The following FAF1 variants were observed in gnomAD, a reference collection of about 807,000 sequenced individuals.
FAF1 encodes the protein FAS-associated factor 1.
A neutral mutation model predicts 92.5 loss-of-function variants in FAF1; 25 were observed. The observed-to-expected ratio is 0.27, with a 90% CI of 0.20 to 0.38. The LOEUF is 0.38. Among genes scored for constraint, FAF1 ranks in the 10% least tolerant of loss-of-function variants. FAF1 has a pLI of 1.00. For missense variants in FAF1, 636 were observed against 793.3 expected (o/e 0.80, Z 2.38); for synonymous variants, 234 against 273.2 (o/e 0.86, Z 1.42).
At chr1:50,890,564 C>G (rs1350998851) in intron 1 of FAF1, among the ~76,000 whole-genome samples, 1 of 152,112 alleles carries the variant, frequency 6.6e-6, no homozygotes, top group East Asian at 1.9e-4. Context: ...TTGGTGGTGA[C>G]AAAATCTCTC....
At chr1:50,713,170 A>G (rs1206790275) in intron 6 of FAF1, among the ~76,000 whole-genome samples, 1 of 151,370 alleles carries the variant, frequency 6.6e-6, no homozygotes, top group Admixed American at 6.6e-5. Flanking sequence ...AAAAAAAAAA[A>G]AAAAAAAAGT....
chr1:50,620,059 C>A (rs1489543290), intron 8 of FAF1, among the ~76,000 whole-genome samples: 1 of 152,064 alleles, frequency 6.6e-6, no homozygotes, highest in Admixed American at 6.6e-5. Flanking sequence ...CAGGTGCCCA[C>A]CACTACGCCT....
chr1:50,887,929 C>T (rs534318690), intron 1 of FAF1, among the ~76,000 whole-genome samples: 6 of 152,238 alleles, frequency 3.9e-5, no homozygotes, highest in African/African-American at 1.2e-4. Flanking sequence ...TCATTGGTAG[C>T]TTGATGGGGA....
At chr1:50,631,362 A>C (rs1653781357) in intron 8 of FAF1, among the ~76,000 whole-genome samples, 2 of 152,182 alleles carry the variant, frequency 1.3e-5, no homozygotes, top group Non-Finnish European at 2.9e-5. Context: ...CAGGACATAA[A>C]TCATCCCTTT....
chr1:50,842,744 C>A (rs1360530378), intron 2 of FAF1, among the ~76,000 whole-genome samples: 1 of 152,212 alleles, frequency 6.6e-6, no homozygotes, highest in East Asian at 1.9e-4. Flanking sequence ...AATAACCCTA[C>A]CTGACTCTAC....
intron 1 of FAF1, among the ~76,000 whole-genome samples, chr1:50,943,587 T>C (rs1645150939): frequency 6.6e-6 from 1 of 152,196 alleles, no homozygotes; most frequent in South Asian, 2.1e-4. Context: ...AAGTCAGGAA[T>C]GAATTTTGCA....
intron 1 of FAF1, among the ~76,000 whole-genome samples, chr1:50,885,275 C>T (rs1464582769): frequency 1.3e-5 from 2 of 148,456 alleles, no homozygotes. Context: ...ATTAAGGTTT[C>T]CCATTCTCTC....
At chr1:50,883,895 C>G (rs570018277) in intron 1 of FAF1, among the ~76,000 whole-genome samples, 1 of 152,074 alleles carries the variant, frequency 6.6e-6, no homozygotes, top group Admixed American at 6.5e-5. Flanking sequence ...GAGGGTGAGG[C>G]AGGCGGATCA....
At chr1:50,836,170 GTTTTTT>G (rs36053491) in intron 2 of FAF1, among the ~76,000 whole-genome samples, 2 of 98,526 alleles carry the variant, frequency 2.0e-5, no homozygotes, top group Non-Finnish European at 4.0e-5. Flanking sequence ...TTTTGTTTCT[GTTTTTT>G]TTTTTTTTTT....
At chr1:50,876,363 G>C (rs72904730) in intron 1 of FAF1, among the ~76,000 whole-genome samples, 10,079 of 152,212 alleles carry the variant, frequency 0.066, 410 homozygotes, top group East Asian at 0.094. Context: ...AAAGGAACCA[G>C]TGTTCCTTGT....
intron 7 of FAF1, among the ~76,000 whole-genome samples, chr1:50,696,362 G>A (rs568909539): frequency 1.8e-4 from 27 of 152,138 alleles, no homozygotes; most frequent in Non-Finnish European, 3.7e-4. Flanking sequence ...CTACAGTCAT[G>A]TCAAAAGCTT....
chr1:50,533,641 A>G lies in FAF1; in HGVS notation c.1494+1728T>C, dbSNP rs142021037. On this transcript the variant is annotated intron_variant, in intron 15 of 18. Coordinates refer to ENST00000396153, the MANE Select transcript of FAF1 (RefSeq NM_007051.3). ...TATGTTTCACATTTGCAATACCTAA[A>G]GGATAGTCTATTAAAACTATCCTTA... Among the ~76,000 whole-genome samples, 471 of 152,314 alleles carry G rather than the reference A, an allele frequency of 3.1e-3. 1 individual carries two copies. The highest frequency in any genetic ancestry group is 4.4e-3 in the Non-Finnish European group (302 of 68,020).
At chr1:50,950,139 C>T (rs1378784999) in intron 1 of FAF1, among the ~76,000 whole-genome samples, 1 of 152,062 alleles carries the variant, frequency 6.6e-6, no homozygotes, top group Non-Finnish European at 1.5e-5. Flanking sequence ...CACACCTGTC[C>T]CAGATCACCA....
chr1:50,939,741 T>G (rs1471993621), intron 1 of FAF1, among the ~76,000 whole-genome samples: 1 of 152,216 alleles, frequency 6.6e-6, no homozygotes, highest in Non-Finnish European at 1.5e-5. Flanking sequence ...GAAAGGATGT[T>G]AGATTTTATT....
chr1:50,540,427 G>A (rs1215895562), intron 13 of FAF1, among the ~76,000 whole-genome samples: 2 of 152,092 alleles, frequency 1.3e-5, no homozygotes, highest in Admixed American at 6.6e-5. Flanking sequence ...ATTTAGCAAC[G>A]TTTTCACAAG....
intron 15 of FAF1, among the ~76,000 whole-genome samples, chr1:50,522,277 T>A (rs1254393278): frequency 6.6e-6 from 1 of 152,200 alleles, no homozygotes; most frequent in African/African-American, 2.4e-5. Flanking sequence ...TTACAAGGGA[T>A]CATGAGGTAT....
At chr1:50,745,457 C>T (rs1261312898) in intron 4 of FAF1, among the ~76,000 whole-genome samples, 1 of 152,112 alleles carries the variant, frequency 6.6e-6, no homozygotes, top group Non-Finnish European at 1.5e-5. Flanking sequence ...AATCTCATGT[C>T]AAATTGTAAT....
intron 1 of FAF1, among the ~76,000 whole-genome samples, chr1:50,864,902 C>A (rs1644467205): frequency 6.6e-6 from 1 of 151,988 alleles, no homozygotes; most frequent in Non-Finnish European, 1.5e-5. Flanking sequence ...AGTGAACAAG[C>A]AACCTACAAA....
chr1:50,726,263 T>A (rs11205766), intron 6 of FAF1, among the ~76,000 whole-genome samples: 17,776 of 151,218 alleles, frequency 0.12, 1,256 homozygotes, highest in African/African-American at 0.2. Context: ...CTCAAAAAAA[T>A]AATAATAATA....
Sources: gnomAD v4.1 joint callset for allele counts (sites outside exome capture counted in the v4.1 genomes callset) on GRCh38, gnomAD v4.1.1 for gene constraint, MANE v1.5 for transcripts, NCBI Gene and HGNC (gene_info 2026-07-23, HGNC 2026-07-21) for gene names.